The following FOXP1 variants were observed in gnomAD, a reference collection of about 807,000 sequenced individuals.
The protein encoded by FOXP1 is forkhead box P1.
A neutral mutation model predicts 98.2 loss-of-function variants in FOXP1; 15 were observed. The observed-to-expected ratio is 0.15, with a 90% CI of 0.10 to 0.24. FOXP1 has a LOEUF of 0.24. FOXP1 is among the 10% of genes least tolerant of loss of function. The probability of loss-of-function intolerance (pLI) is 1.00; values close to 1 mark genes in which losing one functional copy is unlikely to be tolerated. For missense variants in FOXP1, 633 were observed against 848.5 expected, an observed-to-expected ratio of 0.75 and a Z score of 3.15; for synonymous variants, 371 against 314.5, an observed-to-expected ratio of 1.18 and a Z score of -1.90.
At chr3:71,107,191 A>G (rs911190750) in intron 7 of FOXP1, among the ~76,000 whole-genome samples, 1 of 152,186 alleles carries the variant, frequency 6.6e-6, no homozygotes, top group African/African-American at 2.4e-5. Context: ...AACAAAAACG[A>G]ACGAACTCAT....
chr3:71,205,158 T>C (rs2063941345), intron 5 of FOXP1, among the ~76,000 whole-genome samples: 1 of 152,194 alleles, frequency 6.6e-6, no homozygotes, highest in Admixed American at 6.5e-5. Context: ...AATGCACACA[T>C]ACTACAGTCC....
chr3:71,535,455 A>C (rs2044213121), intron 2 of FOXP1, among the ~76,000 whole-genome samples: 1 of 152,132 alleles, frequency 6.6e-6, no homozygotes, highest in Non-Finnish European at 1.5e-5. Flanking sequence ...CTGGAATCCT[A>C]GCACTTTGGG....
rs1352993250 is a variant in FOXP1 at position 71,581,114 on chromosome 3, T to C, written c.-298+435A>G. On this transcript the variant is annotated intron_variant, in intron 2 of 20. Coordinates refer to ENST00000649528, the MANE Select transcript of FOXP1 (RefSeq NM_001349338.3). ...GAAATAAGTTTCATTTTGGGTCTTC[T>C]GGTAGAGCAAAAAGAAAATGAATTA... 13 of 975,000 alleles carry C rather than the reference T, an allele frequency of 1.3e-5. 1 individual carries two copies. The Admixed American group carries it at 6.8e-4, about 51-fold the overall frequency. The allele number at this position is 975,000 out of a possible 1,614,324, so 60.4% of individuals were successfully genotyped here. A position where few individuals can be genotyped will look rare whatever the true frequency, so the allele number is the denominator to read the frequency against.
At chr3:71,202,094 A>C (rs147211078) in intron 5 of FOXP1, among the ~76,000 whole-genome samples, 3 of 152,330 alleles carry the variant, frequency 2.0e-5, no homozygotes, top group African/African-American at 7.2e-5. Flanking sequence ...AACAGTCTCC[A>C]ATACACAATT....
At chr3:71,206,723 C>T (rs146023218) in intron 5 of FOXP1, among the ~76,000 whole-genome samples, 5 of 152,282 alleles carry the variant, frequency 3.3e-5, no homozygotes, top group East Asian at 1.9e-4. Flanking sequence ...TCTTGGATAA[C>T]GTAATCTTTA....
chr3:71,169,169 G>A (rs1396556628), intron 6 of FOXP1, among the ~76,000 whole-genome samples: 3 of 152,138 alleles, frequency 2.0e-5, no homozygotes, highest in Admixed American at 6.5e-5. Flanking sequence ...CTATTTCATC[G>A]AGTCAGTTTA....
chr3:71,067,235 A>G (rs1257591085), intron 7 of FOXP1, among the ~76,000 whole-genome samples: 1 of 152,212 alleles, frequency 6.6e-6, no homozygotes, highest in Non-Finnish European at 1.5e-5. Flanking sequence ...GGGCAAGGAA[A>G]TGTCCCATCA....
At chr3:71,106,279 G>A in intron 7 of FOXP1, among the ~76,000 whole-genome samples, 1 of 152,320 alleles carries the variant, frequency 6.6e-6, no homozygotes, top group African/African-American at 2.4e-5. Context: ...CATTTGCATT[G>A]TAATTCTTAG....
At position 71,196,191 on chromosome 3, in the gene FOXP1, T is replaced by C. The variant is rs2063289975; in HGVS notation, c.180+2011A>G. Among the ~76,000 whole-genome samples, 3 of 152,308 alleles carry C rather than the reference T, an allele frequency of 2.0e-5. No individual in the cohort carries two copies. In the South Asian group the frequency reaches 6.2e-4, roughly 32 times the overall value. On this transcript the variant is annotated intron_variant, in intron 6 of 20. Transcript: ENST00000649528. ...ATTTAAAAACAGTATAAAAGTCTAA[T>C]CATAATACATTTCTTGACCTTTGTG...
chr3:71,255,376 G>GA (rs1364868212), intron 5 of FOXP1, among the ~76,000 whole-genome samples: 1 of 152,082 alleles, frequency 6.6e-6, no homozygotes, highest in East Asian at 1.9e-4. Context: ...TGGGGTGGGG[G>GA]AGAGTTAAGC....
At chr3:71,281,038 A>G (rs1560234406) in intron 5 of FOXP1, among the ~76,000 whole-genome samples, 2 of 72,716 alleles carry the variant, frequency 2.8e-5, no homozygotes, top group Non-Finnish European at 5.1e-5. Context: ...CCCCTTCTCT[A>G]CAAAAAAAAA....
intron 6 of FOXP1, among the ~76,000 whole-genome samples, chr3:71,144,996 T>A (rs2060240547): frequency 6.6e-6 from 1 of 152,184 alleles, no homozygotes; most frequent in African/African-American, 2.4e-5. Context: ...AAGCTGTGGG[T>A]CTGTTAAGAG....
chr3:70,974,817 T>C (rs1158036703), intron 17 of FOXP1, among the ~76,000 whole-genome samples: 3 of 152,152 alleles, frequency 2.0e-5, no homozygotes, highest in Non-Finnish European at 4.4e-5. Context: ...TGTACAGAAA[T>C]GAAAGGTCTT....
rs2084517243 is a variant in FOXP1 at position 71,429,728 on chromosome 3, T to TA, written c.-168+63697dup. 3.3e-5 allele frequency among the ~76,000 whole-genome samples: 5 copies of TA among 152,304 alleles called. No homozygotes were observed. In the South Asian group the frequency reaches 1.0e-3, roughly 32 times the overall value. ...CTAAAATTTGGTGAAACCCTCAAAA[T>TA]AAGACTTTCCGAGGAACTCGTCTTC... On this transcript the variant is annotated intron_variant, in intron 3 of 20. Transcript: ENST00000649528.
At chr3:71,014,775 A>C (rs1056545549) in intron 12 of FOXP1, among the ~76,000 whole-genome samples, 4 of 152,222 alleles carry the variant, frequency 2.6e-5, no homozygotes, top group Non-Finnish European at 4.4e-5. Context: ...GATTACGAAA[A>C]TGTGGCACAT....
intron 2 of FOXP1, among the ~76,000 whole-genome samples, chr3:71,495,852 C>G (rs545097018): frequency 6.6e-6 from 1 of 152,130 alleles, no homozygotes; most frequent in Middle Eastern, 3.2e-3. Context: ...CTGGTACTAA[C>G]AATCATGGGC....
At chr3:71,070,069 A>G (rs1469173810) in intron 7 of FOXP1, among the ~76,000 whole-genome samples, 1 of 152,244 alleles carries the variant, frequency 6.6e-6, no homozygotes, top group African/African-American at 2.4e-5. Context: ...TGCCAGGATT[A>G]GGAAATTTTG....
chr3:71,351,320 A>G (rs2077764718), intron 4 of FOXP1, among the ~76,000 whole-genome samples: 1 of 152,196 alleles, frequency 6.6e-6, no homozygotes, highest in African/African-American at 2.4e-5. Context: ...CTGGTCACTC[A>G]GAACCAACAA....
chr3:71,035,974 G>C (rs1047952679), intron 11 of FOXP1, among the ~76,000 whole-genome samples: 2 of 151,840 alleles, frequency 1.3e-5, no homozygotes, highest in East Asian at 1.9e-4. Flanking sequence ...ACAGAATTTA[G>C]TTTAAAAAAG....
Sources: allele counts gnomAD v4.1 joint callset (sites outside exome capture counted in the v4.1 genomes callset), GRCh38; gene constraint gnomAD v4.1.1; transcripts MANE v1.5; gene names NCBI Gene and HGNC (gene_info 2026-07-23, HGNC 2026-07-21).